Variants in TRIM27 observed in about 807,000 individuals in gnomAD.
TRIM27 encodes zinc finger protein RFP.
In TRIM27, 12 loss-of-function variants were observed where a neutral mutation model predicts 57.6. The ratio of observed to expected loss-of-function variants is 0.21; its 90% CI spans 0.13 to 0.34. The LOEUF (loss-of-function observed/expected upper bound fraction) is 0.34. Ranked by LOEUF, TRIM27 falls within the 10% of genes least tolerant of loss-of-function variation. The probability of loss-of-function intolerance (pLI) is 1.00; values close to 1 mark genes in which losing one functional copy is unlikely to be tolerated. For synonymous variants in TRIM27, 266 were observed against 259.0 expected (o/e 1.03, Z -0.26); for missense variants, 403 against 656.8 (o/e 0.61, Z 4.22).
Position 28,923,564 on chromosome 6 carries a change from G to C in TRIM27, c.69C>G (p.Phe23Leu). ...CGCAGTCGAGCATCATGGGCTCTGCGAAGTACTGCAGGCACACGGGGCAGG... is the reference window on the plus strand; with the variant it reads ...CGCAGTCGAGCATCATGGGCTCTGCCAAGTACTGCAGGCACACGGGGCAGG... The part of the protein sequence containing the change: ...ETTCPVCLQY[F>L]AEPMMLDCGH... The change falls in exon 1 of 8, where the codon TTC becomes TTG. Residue 23 changes from phenylalanine (F) to leucine (L), a missense_variant. By Grantham distance (22) the Phe-to-Leu change is conservative (BLOSUM62 0). Transcript: ENST00000377199. 1 of 1,610,786 alleles carries C rather than the reference G, an allele frequency of 6.2e-7. No individual in the cohort carries two copies. Among genetic ancestry groups the C allele is most frequent in the Non-Finnish European group, 8.5e-7 (1 of 1,179,070 alleles).
intron 6 of TRIM27, chr6:28,908,528 T>C (rs1394582090): frequency 2.3e-6 from 1 of 433,270 alleles, no homozygotes; most frequent in Admixed American, 4.2e-5. Flanking sequence ...CTTTCCGAAG[T>C]AAACAATCAA....
At chr6:28,920,291 T>C (rs1450923424) in intron 2 of TRIM27, 49 bp from the exon 3 acceptor site, 3 of 1,492,478 alleles carry the variant, frequency 2.0e-6, no homozygotes, top group Non-Finnish European at 2.7e-6. Flanking sequence ...GGCTCATTTC[T>C]AGGGCCTTCA....
At chr6:28,913,578 A>C (rs1304667509) in intron 3 of TRIM27, among the ~76,000 whole-genome samples, 1 of 152,012 alleles carries the variant, frequency 6.6e-6, no homozygotes, top group African/African-American at 2.4e-5. Flanking sequence ...CTGGCATATG[A>C]GTGTCTCTCC....
chr6:28,904,787 T>G lies in TRIM27; in HGVS notation c.947-122A>C. ...CCCACTGGAGGTTGCACGTATTTTA[T>G]TTAGAATATATTCTAAACTTCACAT... On this transcript the variant is annotated intron_variant, in intron 7 of 7. Transcript: ENST00000377199. The surrounding 1 kb of genome is among the most constrained non-coding windows in gnomAD (Gnocchi z 6.1). The G allele has an allele frequency of 1.5e-6, 1 of 670,614 alleles. No individual in the cohort carries two copies. The highest frequency in any genetic ancestry group is 1.8e-5 in the African/African-American group (1 of 55,340). 41.5% of individuals were successfully genotyped at this position (670,614 alleles called of 1,614,324 possible).
chr6:28,908,075 G>C (rs1350259516), intron 6 of TRIM27: 2 of 167,320 alleles, frequency 1.2e-5, no homozygotes, highest in South Asian at 2.0e-4. Flanking sequence ...TTCCTGGGTG[G>C]AATAATATAT....
At chr6:28,915,163 T>A (rs1773507764) in intron 3 of TRIM27, 1 of 151,968 alleles carries the variant, frequency 6.6e-6, no homozygotes, top group Admixed American at 6.6e-5. Context: ...TTCCAGTGAC[T>A]TCCAACATAA....
chr6:28,920,808 C>T (rs1024160170), intron 2 of TRIM27, among the ~76,000 whole-genome samples: 1 of 152,088 alleles, frequency 6.6e-6, no homozygotes, highest in East Asian at 1.9e-4. Flanking sequence ...GATTGTCACA[C>T]AGGAAAGTGA....
intron 1 of TRIM27, 98 bp downstream of exon 1, chr6:28,923,115 G>A (rs1291296272): frequency 5.2e-6 from 7 of 1,335,836 alleles, no homozygotes; most frequent in South Asian, 3.0e-5. Context: ...CCACACGTCC[G>A]GCTCAGCCAT....
chr6:28,906,302 A>G (rs899105238), intron 7 of TRIM27: 2 of 152,226 alleles, frequency 1.3e-5, no homozygotes, highest in Non-Finnish European at 2.9e-5. Flanking sequence ...TTCAGGAGGA[A>G]GAGTCCCAAA....
intron 7 of TRIM27, chr6:28,906,195 C>T (rs895308193): frequency 1.7e-4 from 26 of 150,622 alleles, no homozygotes; most frequent in African/African-American, 6.3e-4. Flanking sequence ...AGAGAACCTG[C>T]CTCTAAAATG....
chr6:28,923,939 C>T lies in TRIM27; in HGVS notation c.-307G>A. On this transcript the variant is annotated 5_prime_UTR_variant, in exon 1 of 8. Coordinates refer to ENST00000377199, the MANE Select transcript of TRIM27 (RefSeq NM_006510.5). ...GAGTCCCAGGGCCAGGCGGGCAAAG[C>T]GCGCAAGACAACGTGGCCGCGTCCG... The T allele has an allele frequency of 2.6e-6, 1 of 385,114 alleles. No homozygotes were observed. 23.9% of individuals were successfully genotyped at this position (385,114 alleles called of 1,614,324 possible).
rs1198232590 is a variant in TRIM27 at position 28,904,333 on chromosome 6, G to A, written c.1279C>T (p.Leu427=). Residue 427 remains leucine, a synonymous_variant, in exon 8 of 8, where the codon CTA becomes TTA. Coordinates refer to ENST00000377199, the MANE Select transcript of TRIM27 (RefSeq NM_006510.5). The surrounding 1 kb of genome is among the most constrained non-coding windows in gnomAD (Gnocchi z 6.1). ...YWALTSPMTA[L]PLRTPLQRVG... ...CGCTGGAGCGGGGTCCGCAGGGGTAGGGCAGTCATTGGGGAGGTAAGAGCC... is the reference window on the plus strand; with the variant it reads ...CGCTGGAGCGGGGTCCGCAGGGGTAAGGCAGTCATTGGGGAGGTAAGAGCC... 1.2e-6 allele frequency: 2 copies of A among 1,613,076 alleles called. No individual in the cohort carries two copies. The highest frequency in any genetic ancestry group is 1.7e-6 in the Non-Finnish European group (2 of 1,180,020).
intron 3 of TRIM27, among the ~76,000 whole-genome samples, chr6:28,919,283 T>C (rs1773852705): frequency 6.6e-6 from 1 of 152,212 alleles, no homozygotes. Context: ...GTGCTGGGAT[T>C]ACAGGTGTGA....
At chr6:28,912,336 C>CT (rs2150472593) in intron 3 of TRIM27, among the ~76,000 whole-genome samples, 1 of 152,206 alleles carries the variant, frequency 6.6e-6, no homozygotes, top group Non-Finnish European at 1.5e-5. Flanking sequence ...TCTTGAACTC[C>CT]TGACCTCAGG....
intron 4 of TRIM27, chr6:28,911,420 A>T (rs1033996650): frequency 7.7e-6 from 3 of 391,304 alleles, no homozygotes; most frequent in Non-Finnish European, 1.4e-5. Context: ...CCTTATATTC[A>T]GCCCAGGTCC....
At chr6:28,912,729 G>A (rs764403685) in intron 3 of TRIM27, among the ~76,000 whole-genome samples, 1 of 152,000 alleles carries the variant, frequency 6.6e-6, no homozygotes, top group Non-Finnish European at 1.5e-5. Context: ...GTTATCTTGT[G>A]CATATGTATT....
chr6:28,923,375 C>A lies in TRIM27; in HGVS notation c.258G>T (p.Pro86=). 8 of 1,612,124 alleles carry A rather than the reference C, an allele frequency of 5.0e-6. No homozygotes were observed. The highest frequency in any genetic ancestry group is 6.8e-6 in the Non-Finnish European group (8 of 1,179,682). Residue 86 remains proline (P), a synonymous_variant, in exon 1 of 8, where the codon CCG becomes CCT. Transcript: ENST00000377199. ...QLVKQLRTER[P]SGPGGEMGVC... ...CGCCCATCTCGCCGCCGGGCCCCGA[C>A]GGCCGCTCGGTGCGCAGCTGCTTTA...
intron 2 of TRIM27, among the ~76,000 whole-genome samples, chr6:28,920,775 T>C (rs1206096101): frequency 6.6e-6 from 1 of 152,068 alleles, no homozygotes; most frequent in Non-Finnish European, 1.5e-5. Context: ...GTAAGGACTC[T>C]ATCCCAACTG....
chr6:28,903,193 C>G lies in TRIM27; in HGVS notation c.*877G>C. On this transcript the variant is annotated 3_prime_UTR_variant, in exon 8 of 8. Transcript: ENST00000377199. ...ATGCACTTAAGCATGGTCAATTCCC[C>G]CTTCCCCCAAAGGAAATGGAGAAAA... 1 of 232,648 alleles carries G rather than the reference C, an allele frequency of 4.3e-6. No homozygotes were observed. Among genetic ancestry groups the G allele is most frequent in the East Asian group, 6.1e-5 (1 of 16,472 alleles). The allele number at this position is 232,648 out of a possible 1,614,324, so 14.4% of individuals were successfully genotyped here. A position where few individuals can be genotyped will look rare whatever the true frequency, so the allele number is the denominator to read the frequency against.
Sources: gnomAD v4.1 joint callset for allele counts (sites outside exome capture counted in the v4.1 genomes callset) on GRCh38, gnomAD v4.1.1 for gene constraint, Gnocchi (gnomAD v3.1) non-coding constraint, MANE v1.5 for transcripts, NCBI Gene and HGNC (gene_info 2026-07-23, HGNC 2026-07-21) for gene names.